INTS3: variants seen among roughly 807,000 people sequenced by gnomAD.
INTS3 encodes SOSS complex subunit A.
A neutral mutation model predicts 146.3 loss-of-function variants in INTS3; 34 were observed. The observed-to-expected ratio is 0.23, with a 90% CI of 0.18 to 0.31. The LOEUF (loss-of-function observed/expected upper bound fraction) is 0.31, where lower values mean the gene tolerates loss of function less well. Ranked by LOEUF, INTS3 falls within the 10% of genes least tolerant of loss-of-function variation. The pLI is 1.00. For missense variants in INTS3, 757 were observed against 1,304.2 expected, an observed-to-expected ratio of 0.58 and a Z score of 6.46; for synonymous variants, 475 against 494.9, an observed-to-expected ratio of 0.96 and a Z score of 0.53.
intron 5 of INTS3, chr1:153,747,600 C>T (rs1402097537): frequency 3.0e-5 from 17 of 566,880 alleles, no homozygotes; most frequent in Non-Finnish European, 9.5e-6. Flanking sequence ...AAACCCAGGG[C>T]TTGACAGAAT....
chr1:153,763,947 C>T, intron 17 of INTS3, 61 bp downstream of exon 17: 1 of 1,509,928 alleles, frequency 6.6e-7, no homozygotes, highest in Admixed American at 1.7e-5. Flanking sequence ...TTACACGTCT[C>T]CCAGGGAAGA....
At chr1:153,751,383 G>A (rs1671952399) in intron 7 of INTS3, 144 bp downstream of exon 7, 4 of 808,866 alleles carry the variant, frequency 4.9e-6, no homozygotes, top group Non-Finnish European at 2.0e-6. Flanking sequence ...ATCAACAGAT[G>A]AGGGTAGAAA....
At chr1:153,731,579 C>T (rs9427173) in intron 1 of INTS3, among the ~76,000 whole-genome samples, 54,865 of 129,534 alleles carry the variant, frequency 0.42, 12,292 homozygotes, top group East Asian at 0.68. Context: ...AGAGCGTCCT[C>T]TTTTTTTTTT....
intron 3 of INTS3, among the ~76,000 whole-genome samples, chr1:153,743,710 C>G (rs576394354): frequency 6.0e-4 from 92 of 152,196 alleles, no homozygotes; most frequent in African/African-American, 2.1e-3. Context: ...TGGGAGCAGG[C>G]CTGGCTGGGG....
At position 153,760,450 on chromosome 1, in the gene INTS3, C is replaced by T. The variant is rs1001959110; in HGVS notation, c.1317+60C>T. Reference sequence around the variant, plus strand: ...GGATGAGCAGAATTCAGTGTATCTCCCCTAATCTCCCAGTGAACGGGTCTT... The same window carrying T: ...GGATGAGCAGAATTCAGTGTATCTCTCCTAATCTCCCAGTGAACGGGTCTT... On this transcript the variant is annotated intron_variant, in intron 12 of 29. Coordinates refer to ENST00000318967, the MANE Select transcript of INTS3 (RefSeq NM_023015.5). 7.4e-5 allele frequency: 102 copies of T among 1,376,714 alleles called. 1 individual carries two copies. The highest frequency in any genetic ancestry group is 9.8e-5 in the Non-Finnish European group (95 of 965,800). 85.3% of individuals were successfully genotyped at this position (1,376,714 alleles called of 1,614,324 possible).
At chr1:153,755,846 C>T (rs1672139489) in intron 9 of INTS3, among the ~76,000 whole-genome samples, 1 of 152,126 alleles carries the variant, frequency 6.6e-6, no homozygotes, top group Non-Finnish European at 1.5e-5. Context: ...TGGGACCACC[C>T]TGGCCAACGT....
rs1256033286 is a variant in INTS3 at position 153,772,739 on chromosome 1, G to T, written c.2894+28G>T. ...GAGGCTCCTGCCACTTTGGGCCTTGGAAAGTAGTAGGGGAAAAGCCTAAGG... is the reference window on the plus strand; with the variant it reads ...GAGGCTCCTGCCACTTTGGGCCTTGTAAAGTAGTAGGGGAAAAGCCTAAGG... On this transcript the variant is annotated intron_variant, in intron 28 of 29. Coordinates refer to ENST00000318967, the MANE Select transcript of INTS3 (RefSeq NM_023015.5). This position sits in a 1 kb window ranked among gnomAD's most constrained non-coding sequence, Gnocchi z 4.6. The T allele has an allele frequency of 1.2e-6, 2 of 1,610,172 alleles. No individual in the cohort carries two copies. Among genetic ancestry groups the T allele is most frequent in the Admixed American group, 1.7e-5 (1 of 59,738 alleles).
intron 1 of INTS3, among the ~76,000 whole-genome samples, chr1:153,734,548 T>A (rs1671216217): frequency 6.6e-6 from 1 of 152,196 alleles, no homozygotes; most frequent in Non-Finnish European, 1.5e-5. Flanking sequence ...GCCACTTTGC[T>A]CCTTCACTGA....
chr1:153,763,320 A>T lies in INTS3; in HGVS notation c.1724A>T (p.Asp575Val). 1 of 1,614,192 alleles carries T rather than the reference A, an allele frequency of 6.2e-7. No homozygotes were observed. Among genetic ancestry groups the T allele is most frequent in the Non-Finnish European group, 8.5e-7 (1 of 1,180,012 alleles). ...ATCACCCCTTACCTTGACCAGTTGG[A>T]TGAGTCCCTGAGGGACAAAGTACTC... ...VDITPYLDQL[D>V]ESLRDKVLQL... The change falls in exon 16 of 30, where the codon GAT becomes GTT. Residue 575 changes from aspartate to valine, a missense_variant. Physicochemically the swap from Asp to Val is radical, Grantham distance 152 (BLOSUM62 -3). Transcript: ENST00000318967.
At chr1:153,738,355 A>G (rs1250196794) in intron 1 of INTS3, among the ~76,000 whole-genome samples, 2 of 152,104 alleles carry the variant, frequency 1.3e-5, no homozygotes, top group African/African-American at 4.8e-5. Context: ...CTGCCTCCCA[A>G]AGTGCTGGGA....
In INTS3 at chr1:153,757,349, G is replaced by A. The variant is rs1672198897; in HGVS notation, c.958-223G>A. On this transcript the variant is annotated intron_variant, in intron 9 of 29. Transcript: ENST00000318967. This position sits in a 1 kb window ranked among gnomAD's most constrained non-coding sequence, Gnocchi z 4.0. Reference sequence around the variant, plus strand: ...CCTGAGGTCAGTGGCAAGAATGACTGTAACATCAGAATGCAGGGCAAGCTA... The same window carrying A: ...CCTGAGGTCAGTGGCAAGAATGACTATAACATCAGAATGCAGGGCAAGCTA... 6.6e-6 allele frequency among the ~76,000 whole-genome samples: 1 copy of A among 152,166 alleles called. No homozygotes were observed. Among genetic ancestry groups the A allele is most frequent in the African/African-American group, 2.4e-5 (1 of 41,420 alleles).
rs1012494984 is a variant in INTS3, at chr1:153,772,185, C to T, written c.2721-155C>T. On this transcript the variant is annotated intron_variant, in intron 26 of 29. Coordinates refer to ENST00000318967, the MANE Select transcript of INTS3 (RefSeq NM_023015.5). The surrounding 1 kb of genome is among the most constrained non-coding windows in gnomAD (Gnocchi z 4.6). ...TGTGGCCAGGATCCCCTGTTCTAGG[C>T]ACACCTTTCTCACCCAACCCCAGCC... 1.3e-5 allele frequency among the ~76,000 whole-genome samples: 2 copies of T among 152,200 alleles called. No individual in the cohort carries two copies. The highest frequency in any genetic ancestry group is 4.8e-5 in the African/African-American group (2 of 41,452).
rs540468489 is a variant in INTS3 at position 153,740,479 on chromosome 1, G to A, written c.151-172G>A. On this transcript the variant is annotated intron_variant, in intron 1 of 29. Coordinates refer to ENST00000318967, the MANE Select transcript of INTS3 (RefSeq NM_023015.5). Reference sequence around the variant, plus strand: ...TAAAGAAATCAGGTCACCTGTTTATGGTTTCCACATTTTAGATTTTGCTGG... The same window carrying A: ...TAAAGAAATCAGGTCACCTGTTTATAGTTTCCACATTTTAGATTTTGCTGG... Among the ~76,000 whole-genome samples, 3 of 152,254 alleles carry A rather than the reference G, an allele frequency of 2.0e-5. No homozygotes were observed. The South Asian group carries it at 6.2e-4, about 32-fold the overall frequency.
Position 153,747,053 on chromosome 1 carries a change from G to A in INTS3, c.415G>A (p.Asp139Asn). ...ILMEKYLKLQ[D>N]TCRTQLVWLV... is the part of the protein sequence containing the mutation. ...TATGGAGAAGTACCTGAAGCTGCAG[G>A]ATACCTGCCGTACTCAGGTAAGGCC... The change falls in exon 4 of 30, where the codon GAT (aspartate) becomes AAT (asparagine). Residue 139 changes from aspartate to asparagine, a missense_variant. Asp to Asn is a conservative substitution (Grantham distance 23). Coordinates refer to ENST00000318967, the MANE Select transcript of INTS3 (RefSeq NM_023015.5). 1.2e-6 allele frequency: 2 copies of A among 1,610,404 alleles called. No individual in the cohort carries two copies. Among genetic ancestry groups the A allele is most frequent in the Non-Finnish European group, 1.7e-6 (2 of 1,176,672 alleles).
At chr1:153,763,190 G>T in intron 15 of INTS3, 43 bp from the exon 16 acceptor site, 3 of 1,613,598 alleles carry the variant, frequency 1.9e-6, no homozygotes, top group Non-Finnish European at 2.5e-6. Flanking sequence ...TCTGTTGCTG[G>T]CATCTGGGCA....
intron 11 of INTS3, 131 bp from the exon 12 acceptor site, chr1:153,760,180 T>G: frequency 1.6e-6 from 1 of 632,142 alleles, no homozygotes; most frequent in Non-Finnish European, 2.6e-6. Context: ...TTCAGTGAGC[T>G]GAGATCGTAC....
At chr1:153,761,458 C>A in intron 13 of INTS3, 112 bp from the exon 14 acceptor site, 1 of 726,228 alleles carries the variant, frequency 1.4e-6, no homozygotes, top group Non-Finnish European at 2.3e-6. Context: ...TGCAGTGAGC[C>A]GAGATTGTGC....
In INTS3 at chr1:153,747,018, A is replaced by G. The variant is rs956023094; in HGVS notation, c.380A>G (p.Asn127Ser). Residue 127 changes from asparagine (N) to serine (S), a missense_variant, in exon 4 of 30, where the codon AAC (asparagine) becomes AGC (serine). By Grantham distance (46) the Asn-to-Ser change is conservative. Transcript: ENST00000318967. ...ATGAATATTGTCCTGAATAAAATCA[A>G]CCAGATACTTATGGAGAAGTACCTG... ...DGMNIVLNKI[N>S]QILMEKYLKL... 4.1e-5 allele frequency: 66 copies of G among 1,613,916 alleles called. No individual in the cohort carries two copies. Among genetic ancestry groups the G allele is most frequent in the Non-Finnish European group, 5.3e-5 (63 of 1,179,928 alleles).
intron 3 of INTS3, among the ~76,000 whole-genome samples, chr1:153,743,490 G>T (rs1671613394): frequency 6.6e-6 from 1 of 152,070 alleles, no homozygotes; most frequent in African/African-American, 2.4e-5. Flanking sequence ...CTGGGACTTA[G>T]TGGGTGGGAT....
Sources: gnomAD v4.1 joint callset for allele counts (sites outside exome capture counted in the v4.1 genomes callset) on GRCh38, gnomAD v4.1.1 for gene constraint, Gnocchi (gnomAD v3.1) non-coding constraint, MANE v1.5 for transcripts, NCBI Gene and HGNC (gene_info 2026-07-23, HGNC 2026-07-21) for gene names.